The following MRPS23 variants were observed in gnomAD, a reference collection of about 807,000 sequenced individuals.
The protein encoded by MRPS23 is small ribosomal subunit protein mS23.
Under a neutral mutation model 19.8 loss-of-function variants are expected in MRPS23, and 14 were observed. The observed-to-expected ratio is 0.71, with a 90% CI of 0.47 to 1.11. The LOEUF (loss-of-function observed/expected upper bound fraction) is 1.11. Among genes scored for constraint, MRPS23 ranks in the 50% least tolerant of loss-of-function variants. The pLI is 0.00. For synonymous variants in MRPS23, 113 were observed against 89.7 expected, an observed-to-expected ratio of 1.26 and a Z score of -1.47; for missense variants, 242 against 236.7, an observed-to-expected ratio of 1.02 and a Z score of -0.15.
chr17:57,849,163 G>C, intron 2 of MRPS23, 77 bp downstream of exon 2: 3 of 1,542,862 alleles, frequency 1.9e-6, no homozygotes, highest in Non-Finnish European at 2.6e-6. Context: ...TTTCATGTTT[G>C]AATTCCCAGA....
chr17:57,841,336 A>G (rs2073738722), intron 2 of MRPS23, 76 bp from the exon 3 acceptor site: 3 of 1,487,194 alleles, frequency 2.0e-6, no homozygotes, highest in African/African-American at 1.4e-5. Flanking sequence ...GAAATAAAGA[A>G]TAAGTGCTAG....
chr17:57,850,041 T>G lies in MRPS23; in HGVS notation c.-31A>C, dbSNP rs1398325042. On this transcript the variant is annotated 5_prime_UTR_variant, in exon 1 of 5. Transcript: ENST00000313608. ...GCGCCTGGTACCGAGCGTGACTAGC[T>G]GCTACCGGAACCGGAAGCGGCTGCT... The G allele has an allele frequency of 1.6e-5, 26 of 1,580,624 alleles. No individual in the cohort carries two copies. Among genetic ancestry groups the G allele is most frequent in the Non-Finnish European group, 2.2e-5 (26 of 1,168,652 alleles).
intron 2 of MRPS23, among the ~76,000 whole-genome samples, chr17:57,841,686 C>T (rs910040600): frequency 1.2e-4 from 18 of 152,220 alleles, no homozygotes; most frequent in Non-Finnish European, 1.8e-4. Context: ...TATGGCTAGG[C>T]GCAGTGGCTC....
chr17:57,843,923 G>C (rs1221295975), intron 2 of MRPS23, among the ~76,000 whole-genome samples: 3 of 152,046 alleles, frequency 2.0e-5, no homozygotes, highest in Non-Finnish European at 4.4e-5. Context: ...TTTGCTTACA[G>C]TACTTTTTTA....
chr17:57,849,524 C>T (rs1397437226), intron 1 of MRPS23, 114 bp from the exon 2 acceptor site: 20 of 1,251,730 alleles, frequency 1.6e-5, no homozygotes, highest in Non-Finnish European at 1.9e-5. Flanking sequence ...CAACACAGAA[C>T]GGGGAAGGAC....
chr17:57,847,700 C>CA (rs777900646), intron 2 of MRPS23, among the ~76,000 whole-genome samples: 1 of 140,760 alleles, frequency 7.1e-6, no homozygotes, highest in African/African-American at 2.6e-5. Flanking sequence ...AAAAACAAAA[C>CA]TTTTTTTTTT....
In MRPS23 at chr17:57,838,413, T is replaced by C. The variant is rs1271382278; in HGVS notation, c.*1370A>G. ...AAAAACATTTTTTAAATATTCATCA[T>C]TGTGGCAAAAAAAACCTGCCCTTAA... is the stretch of plus-strand genomic sequence containing the variant. On this transcript the variant is annotated 3_prime_UTR_variant, in exon 5 of 5. Transcript: ENST00000313608. 4 of 150,042 alleles carry C rather than the reference T, an allele frequency of 2.7e-5. No individual in the cohort carries two copies. The highest frequency in any genetic ancestry group is 5.9e-5 in the Non-Finnish European group (4 of 67,924). The allele number at this position is 150,042 out of a possible 1,614,324, so 9.3% of individuals were successfully genotyped here.
chr17:57,839,857 T>C lies in MRPS23; in HGVS notation c.499A>G (p.Thr167Ala), dbSNP rs376504203. 25 of 1,614,066 alleles carry C rather than the reference T, an allele frequency of 1.5e-5. No homozygotes were observed. The African/African-American group carries it at 3.2e-4, about 21-fold the overall frequency. Residue 167 changes from threonine (T) to alanine (A), a missense_variant, in exon 5 of 5, where the codon ACT becomes GCT. Thr to Ala is a moderately conservative substitution (Grantham distance 58, BLOSUM62 0). Transcript: ENST00000313608. The part of the protein sequence containing the change: ...RPQTALEENE[T>A]QKEVPQDQHL... ...TGGTCCTGTGGAACTTCTTTCTGAG[T>C]CTCGTTTTCTTCCAACGCAGTCTGT...
At chr17:57,841,448 T>C (rs1231120272) in intron 2 of MRPS23, among the ~76,000 whole-genome samples, 188 bp from the exon 3 acceptor site, 1 of 152,192 alleles carries the variant, frequency 6.6e-6, no homozygotes, top group Non-Finnish European at 1.5e-5. Flanking sequence ...ATACATCAAA[T>C]AGCACAAAAG....
rs60105585 is a variant in MRPS23, at chr17:57,837,807, C to CA, written c.*1975dup. The stretch of plus-strand genomic sequence containing the variant: ...GCAACATAGCAAGACTCCATCTCTA[C>CA]AAAAAAAAACAAACAAAAAAAATGT... On this transcript the variant is annotated 3_prime_UTR_variant, in exon 5 of 5. Transcript: ENST00000313608. The CA allele has an allele frequency of 0.18, 26,622 of 148,470 alleles. 2,318 individuals are homozygous for CA. Among genetic ancestry groups the CA allele is most frequent in the Middle Eastern group, 0.22 (61 of 282 alleles). The allele number at this position is 148,470 out of a possible 1,614,324, so 9.2% of individuals were successfully genotyped here. A position where few individuals can be genotyped will look rare whatever the true frequency, so the allele number is the denominator to read the frequency against.
chr17:57,850,029 A>C lies in MRPS23; in HGVS notation c.-19T>G. 6.3e-7 allele frequency: 1 copy of C among 1,587,242 alleles called. No individual in the cohort carries two copies. Among genetic ancestry groups the C allele is most frequent in the Non-Finnish European group, 8.5e-7 (1 of 1,171,826 alleles). On this transcript the variant is annotated 5_prime_UTR_variant, in exon 1 of 5. Transcript: ENST00000313608. ...CTGCCATGATCTGCGCCTGGTACCG[A>C]GCGTGACTAGCTGCTACCGGAACCG... is the stretch of plus-strand genomic sequence containing the variant.
chr17:57,842,891 T>TACAC (rs35501487), intron 2 of MRPS23, among the ~76,000 whole-genome samples: 3,507 of 76,416 alleles, frequency 0.046, 83 homozygotes, highest in East Asian at 0.053. Context: ...TATATATATA[T>TACAC]ACACACACAC....
In MRPS23 at chr17:57,844,425, A is replaced by C. The variant is rs192152964; in HGVS notation, c.216-3165T>G. On this transcript the variant is annotated intron_variant, in intron 2 of 4. Coordinates refer to ENST00000313608, the MANE Select transcript of MRPS23 (RefSeq NM_016070.4). ...AGAAATAATTTTTATATATTCTGAC[A>C]ATAGTAAAAAATTAAAAAATAAAAA... Among the ~76,000 whole-genome samples, 281 of 151,604 alleles carry C rather than the reference A, an allele frequency of 1.9e-3. 1 individual carries two copies. The highest frequency in any genetic ancestry group is 5.1e-3 in the African/African-American group (212 of 41,484).
At chr17:57,840,820 C>T in intron 4 of MRPS23, 106 bp downstream of exon 4, 1 of 1,432,856 alleles carries the variant, frequency 7.0e-7, no homozygotes, top group South Asian at 1.4e-5. Flanking sequence ...AAAGGTATTT[C>T]AGCATCTGTG....
At chr17:57,847,700 C>CT (rs113062081) in intron 2 of MRPS23, among the ~76,000 whole-genome samples, 2,565 of 140,662 alleles carry the variant, frequency 0.018, 30 homozygotes, top group Non-Finnish European at 0.025. Flanking sequence ...AAAAACAAAA[C>CT]TTTTTTTTTT....
chr17:57,840,602 C>T (rs764893286), intron 4 of MRPS23, among the ~76,000 whole-genome samples: 14 of 152,066 alleles, frequency 9.2e-5, no homozygotes, highest in Non-Finnish European at 1.6e-4. Context: ...TCTGCATCTA[C>T]AGGTTCCACA....
rs1236992562 is a variant in MRPS23, at chr17:57,837,041, G to C, written c.*2742C>G. 2.6e-5 allele frequency: 4 copies of C among 152,266 alleles called. No homozygotes were observed. The East Asian group carries it at 7.7e-4, about 29-fold the overall frequency. The allele number at this position is 152,266 out of a possible 1,614,324, so 9.4% of individuals were successfully genotyped here. A position where few individuals can be genotyped will look rare whatever the true frequency, so the allele number is the denominator to read the frequency against. ...CTTCCATTCTCTCCAAAACGTGATGGGGATCTGATGACAGCTTTTGCCCAA... is the reference window on the plus strand; with the variant it reads ...CTTCCATTCTCTCCAAAACGTGATGCGGATCTGATGACAGCTTTTGCCCAA... On this transcript the variant is annotated 3_prime_UTR_variant, in exon 5 of 5. Transcript: ENST00000313608.
intron 4 of MRPS23, among the ~76,000 whole-genome samples, chr17:57,840,169 C>T (rs1160377657): frequency 6.6e-6 from 1 of 152,118 alleles, no homozygotes; most frequent in East Asian, 1.9e-4. Context: ...GGGCGGATCA[C>T]GAGGTCAGGA....
chr17:57,845,145 G>A (rs555687507), intron 2 of MRPS23, among the ~76,000 whole-genome samples: 13 of 152,248 alleles, frequency 8.5e-5, no homozygotes, highest in African/African-American at 2.9e-4. Flanking sequence ...TGATCCACCC[G>A]CCTCGGCCTC....
Sources: allele counts gnomAD v4.1 joint callset (sites outside exome capture counted in the v4.1 genomes callset), GRCh38; gene constraint gnomAD v4.1.1; transcripts MANE v1.5; gene names NCBI Gene and HGNC (gene_info 2026-07-23, HGNC 2026-07-21).